Variants in GALNT18 observed in about 807,000 individuals in gnomAD.
The protein encoded by GALNT18 is GalNAc-transferase 18.
In GALNT18, 44 loss-of-function variants were observed where a neutral mutation model predicts 69.5. That is an observed-to-expected ratio of 0.63 (90% CI 0.50 to 0.81). GALNT18 has a LOEUF of 0.81. Among genes scored for constraint, GALNT18 ranks in the 40% least tolerant of loss-of-function variants. The pLI is 0.00. For synonymous variants in GALNT18, 364 were observed against 318.2 expected (o/e 1.14, Z -1.53); for missense variants, 715 against 810.0 (o/e 0.88, Z 1.42).
intron 1 of GALNT18, among the ~76,000 whole-genome samples, chr11:11,499,630 AG>A (rs1856933230): frequency 1.3e-5 from 2 of 152,234 alleles, no homozygotes; most frequent in African/African-American, 4.8e-5. Context: ...GCCCTGTTCC[AG>A]CCCTGACCTC....
intron 10 of GALNT18, among the ~76,000 whole-genome samples, chr11:11,274,785 G>C (rs904188786): frequency 1.3e-5 from 2 of 152,160 alleles, no homozygotes; most frequent in Non-Finnish European, 2.9e-5. Flanking sequence ...CCACTTATGA[G>C]TGAGAACACG....
At chr11:11,561,901 C>T (rs1421277633) in intron 1 of GALNT18, among the ~76,000 whole-genome samples, 1 of 152,214 alleles carries the variant, frequency 6.6e-6, no homozygotes, top group African/African-American at 2.4e-5. Context: ...CACAGATCCA[C>T]AGGAGAACAG....
At position 11,283,767 on chromosome 11, in the gene GALNT18, G is replaced by T. The variant is rs146074375; in HGVS notation, c.1677+9262C>A. ...GAAACACACAATACTTTTAATTAAA[G>T]AATTTAAGTAAGGGCAATTAAACCT... On this transcript the variant is annotated intron_variant, in intron 10 of 10. Transcript: ENST00000227756. 3.1e-3 allele frequency among the ~76,000 whole-genome samples: 465 copies of T among 152,184 alleles called. 1 individual carries two copies. Among genetic ancestry groups the T allele is most frequent in the African/African-American group, 0.01 (417 of 41,494 alleles).
intron 6 of GALNT18, among the ~76,000 whole-genome samples, chr11:11,366,846 T>G (rs528233859): frequency 6.6e-6 from 1 of 152,298 alleles, no homozygotes; most frequent in African/African-American, 2.4e-5. Flanking sequence ...TGCCAGGGCA[T>G]GTATAGGTAT....
At position 11,543,816 on chromosome 11, in the gene GALNT18, G is replaced by C. The variant is rs1212199025; in HGVS notation, c.235+77543C>G. On this transcript the variant is annotated intron_variant, in intron 1 of 10. Transcript: ENST00000227756. This position sits in a 1 kb window ranked among gnomAD's most constrained non-coding sequence, Gnocchi z 5.1. The stretch of plus-strand genomic sequence containing the variant: ...GCCACGGTGGGTGGGTGTGGTTATT[G>C]CTCCCATTTCTTCTTCTGGCGCTCT... 6.6e-6 allele frequency among the ~76,000 whole-genome samples: 1 copy of C among 152,166 alleles called. No individual in the cohort carries two copies. The highest frequency in any genetic ancestry group is 1.5e-5 in the Non-Finnish European group (1 of 68,040).
chr11:11,438,037 T>A (rs1390325060), intron 2 of GALNT18, among the ~76,000 whole-genome samples: 3 of 152,154 alleles, frequency 2.0e-5, no homozygotes, highest in African/African-American at 7.2e-5. Flanking sequence ...TCAGGCTCAC[T>A]AACCCCCTGG....
rs1859695603 is a variant in GALNT18, at chr11:11,604,229, G to A, written c.235+17130C>T. Among the ~76,000 whole-genome samples, 1 of 152,206 alleles carries A rather than the reference G, an allele frequency of 6.6e-6. No individual in the cohort carries two copies. The highest frequency in any genetic ancestry group is 1.9e-4 in the East Asian group (1 of 5,198). The stretch of plus-strand genomic sequence containing the variant: ...ATAGACTAAGATACCACTTTTCAAA[G>A]ATTGTGTTGGTTTGGTTAGTAAGTT... On this transcript the variant is annotated intron_variant, in intron 1 of 10. Coordinates refer to ENST00000227756, the MANE Select transcript of GALNT18 (RefSeq NM_198516.3). The surrounding 1 kb of genome is among the most constrained non-coding windows in gnomAD (Gnocchi z 5.6).
intron 6 of GALNT18, chr11:11,353,424 T>C: frequency 2.0e-6 from 1 of 495,324 alleles, no homozygotes; most frequent in Non-Finnish European, 3.6e-6. Flanking sequence ...GGGGGTTAAG[T>C]CCCTTTCAAT....
chr11:11,331,312 G>C (rs1008882574), intron 8 of GALNT18, among the ~76,000 whole-genome samples: 6 of 152,156 alleles, frequency 3.9e-5, no homozygotes, highest in Non-Finnish European at 5.9e-5. Context: ...ACACTCATGG[G>C]AGGATAACAC....
At chr11:11,278,283 C>CTT (rs577072818) in intron 10 of GALNT18, among the ~76,000 whole-genome samples, 1 of 148,948 alleles carries the variant, frequency 6.7e-6, no homozygotes, top group Non-Finnish European at 1.5e-5. Flanking sequence ...ATATCCAGGA[C>CTT]TTGAACTCAG....
Position 11,275,125 on chromosome 11 carries a change from C to T in GALNT18, c.1678-3835G>A, listed in dbSNP as rs371747401. 3.9e-4 allele frequency among the ~76,000 whole-genome samples: 59 copies of T among 152,224 alleles called. 2 individuals are homozygous for T. The highest frequency in any genetic ancestry group is 1.5e-3 in the Admixed American group (23 of 15,290). On this transcript the variant is annotated intron_variant, in intron 10 of 10. Transcript: ENST00000227756. ...GATCCTTGAGAAATGGCCACACTGT[C>T]TTCCACAATGGTTGAACTAATTTAC...
intron 6 of GALNT18, among the ~76,000 whole-genome samples, chr11:11,370,501 A>G (rs10765841): frequency 0.46 from 70,008 of 151,836 alleles, 17,580 homozygotes; most frequent in African/African-American, 0.63. Flanking sequence ...GCAAGTTAAC[A>G]GCTTGTTGGT....
At chr11:11,488,191 G>A (rs1856684399) in intron 1 of GALNT18, among the ~76,000 whole-genome samples, 1 of 152,124 alleles carries the variant, frequency 6.6e-6, no homozygotes. Flanking sequence ...CAGTTCTCAG[G>A]TTAAAAATCT....
chr11:11,384,738 C>T (rs376966491), intron 3 of GALNT18, among the ~76,000 whole-genome samples: 6 of 152,134 alleles, frequency 3.9e-5, no homozygotes, highest in Non-Finnish European at 5.9e-5. Context: ...ACCATGCTGG[C>T]GCCCTGATCT....
At chr11:11,548,587 G>A (rs1186390639) in intron 1 of GALNT18, among the ~76,000 whole-genome samples, 1 of 152,184 alleles carries the variant, frequency 6.6e-6, no homozygotes, top group African/African-American at 2.4e-5. Context: ...GAAGGCCTCT[G>A]AAAGCCTCCT....
At chr11:11,475,426 AAAAC>A (rs1856369142) in intron 1 of GALNT18, 2 of 152,238 alleles carry the variant, frequency 1.3e-5, no homozygotes, top group Admixed American at 6.5e-5. Context: ...TAATCTCATT[AAAAC>A]AGCAGGGTGA....
chr11:11,518,240 A>C (rs1371667862), intron 1 of GALNT18, among the ~76,000 whole-genome samples: 1 of 152,236 alleles, frequency 6.6e-6, no homozygotes, highest in Non-Finnish European at 1.5e-5. Flanking sequence ...CCCAATACAG[A>C]CACAAACTGC....
At position 11,605,097 on chromosome 11, in the gene GALNT18, T is replaced by C. The variant is rs549715608; in HGVS notation, c.235+16262A>G. Among the ~76,000 whole-genome samples the C allele has an allele frequency of 1.1e-3, 160 of 152,318 alleles. 2 individuals carry two copies. Among genetic ancestry groups the C allele is most frequent in the African/African-American group, 3.7e-3 (153 of 41,566 alleles). Reference sequence around the variant, plus strand: ...TAGGAAAAGAAAAATCATAGTTGTCTGAGGCTCCGGCTAATGGGCTGTGCT... The same window carrying C: ...TAGGAAAAGAAAAATCATAGTTGTCCGAGGCTCCGGCTAATGGGCTGTGCT... On this transcript the variant is annotated intron_variant, in intron 1 of 10. Transcript: ENST00000227756. This position sits in a 1 kb window ranked among gnomAD's most constrained non-coding sequence, Gnocchi z 4.7.
chr11:11,333,784 C>T (rs140522852), intron 7 of GALNT18, among the ~76,000 whole-genome samples: 1 of 152,064 alleles, frequency 6.6e-6, no homozygotes, highest in African/African-American at 2.4e-5. Flanking sequence ...AGAGAAGCCC[C>T]CTTCCTCATA....
Sources: allele counts gnomAD v4.1 joint callset (sites outside exome capture counted in the v4.1 genomes callset), GRCh38; gene constraint gnomAD v4.1.1; non-coding constraint Gnocchi (gnomAD v3.1); transcripts MANE v1.5; gene names NCBI Gene and HGNC (gene_info 2026-07-23, HGNC 2026-07-21).